ULK4: variants seen among roughly 807,000 people sequenced by gnomAD.
ULK4 encodes unc-51 like kinase 4, also known as inactive serine/threonine-protein kinase ULK4.
ULK4 carries 133 observed loss-of-function variants against 160.6 expected under a neutral mutation model. That is an observed-to-expected ratio of 0.83 (90% CI 0.72 to 0.96). The LOEUF is 0.96. Ranked by LOEUF, ULK4 falls within the 40% of genes least tolerant of loss-of-function variation. ULK4 has a pLI of 0.00. For synonymous variants in ULK4, 534 were observed against 539.8 expected (o/e 0.99, Z 0.15); for missense variants, 1,580 against 1,499.5 (o/e 1.05, Z -0.89).
Position 41,687,315 on chromosome 3 carries a change from G to A in ULK4, c.2782-5511C>T, listed in dbSNP as rs145836971. On this transcript the variant is annotated intron_variant, in intron 27 of 36. Coordinates refer to ENST00000301831, the MANE Select transcript of ULK4 (RefSeq NM_017886.4). ...TTGAACCCAGGAAGCAGAGGTTGCC[G>A]TGTGCCAAGATCACACCACTGCACT... Among the ~76,000 whole-genome samples, 543 of 151,900 alleles carry A rather than the reference G, an allele frequency of 3.6e-3. 1 individual carries two copies. Among genetic ancestry groups the A allele is most frequent in the Middle Eastern group, 0.024 (7 of 294 alleles).
In ULK4 at chr3:41,731,671, T is replaced by TG. The variant is rs1247936808; in HGVS notation, c.2322-13811dup. Among the ~76,000 whole-genome samples the TG allele has an allele frequency of 1.2e-4, 16 of 138,000 alleles. No individual in the cohort carries two copies. The East Asian group carries it at 1.4e-3, about 12-fold the overall frequency. The allele number at this position is 138,000 out of a possible 152,430, so 90.5% of individuals were successfully genotyped here. ...AAACCCCAAAGAGCCAAATCAATTT[T>TG]GGGGGAAAAAAAAAAAAAAAGAACA... On this transcript the variant is annotated intron_variant, in intron 22 of 36. Coordinates refer to ENST00000301831, the MANE Select transcript of ULK4 (RefSeq NM_017886.4).
intron 35 of ULK4, among the ~76,000 whole-genome samples, chr3:41,342,656 C>T (rs899312290): frequency 1.3e-5 from 2 of 152,180 alleles, no homozygotes; most frequent in Non-Finnish European, 2.9e-5. Context: ...GGACAGACTC[C>T]TCCCTAACTC....
chr3:41,301,308 T>C (rs556506046), intron 35 of ULK4, among the ~76,000 whole-genome samples: 3 of 152,190 alleles, frequency 2.0e-5, no homozygotes, highest in African/African-American at 7.2e-5. Flanking sequence ...TTAAAAGAAA[T>C]GCTATTCAAT....
At chr3:41,915,106 T>C (rs1698921614) in intron 8 of ULK4, among the ~76,000 whole-genome samples, 1 of 152,068 alleles carries the variant, frequency 6.6e-6, no homozygotes, top group Non-Finnish European at 1.5e-5. Context: ...CAGTTATAAA[T>C]GTAGGGATAT....
At chr3:41,369,528 C>A (rs1187287181) in intron 35 of ULK4, among the ~76,000 whole-genome samples, 4 of 150,726 alleles carry the variant, frequency 2.7e-5, no homozygotes, top group African/African-American at 9.8e-5. Flanking sequence ...CACGGTGGCT[C>A]ACGCCTGTCA....
chr3:41,780,642 T>C (rs990298118), intron 21 of ULK4, among the ~76,000 whole-genome samples: 2 of 152,158 alleles, frequency 1.3e-5, no homozygotes, highest in Non-Finnish European at 2.9e-5. Context: ...GGGAGCCACC[T>C]AGGCTTAGGA....
intron 31 of ULK4, among the ~76,000 whole-genome samples, chr3:41,569,209 G>A (rs1432845479): frequency 6.6e-6 from 1 of 152,020 alleles, no homozygotes; most frequent in Non-Finnish European, 1.5e-5. Context: ...TGTTATGTAG[G>A]CAAGACTGAT....
intron 32 of ULK4, among the ~76,000 whole-genome samples, chr3:41,481,083 G>A (rs185628953): frequency 1.8e-3 from 274 of 152,256 alleles, no homozygotes; most frequent in African/African-American, 6.1e-3. Context: ...ATAGTTTTAT[G>A]TTATCAGTAA....
At chr3:41,526,172 CTA>C (rs1166423087) in intron 32 of ULK4, among the ~76,000 whole-genome samples, 1 of 138,084 alleles carries the variant, frequency 7.2e-6, no homozygotes, top group African/African-American at 2.5e-5. Flanking sequence ...CTCTTACAGA[CTA>C]TGTATGATTC....
chr3:41,267,141 C>T (rs2079053269), intron 35 of ULK4, among the ~76,000 whole-genome samples: 3 of 151,610 alleles, frequency 2.0e-5, no homozygotes, highest in Admixed American at 2.0e-4. Flanking sequence ...GCTATTGACC[C>T]GTCTTCTAAG....
intron 32 of ULK4, among the ~76,000 whole-genome samples, chr3:41,491,621 C>T (rs1372032631): frequency 5.3e-5 from 8 of 151,964 alleles, no homozygotes; most frequent in East Asian, 3.8e-4. Flanking sequence ...ACTTATAACA[C>T]GGTACATTCC....
intron 35 of ULK4, among the ~76,000 whole-genome samples, chr3:41,391,085 A>T (rs2081947786): frequency 6.6e-6 from 1 of 152,006 alleles, no homozygotes; most frequent in Non-Finnish European, 1.5e-5. Context: ...ATTTCATTTA[A>T]CATATTTATC....
At chr3:41,793,188 CA>C (rs397762773) in intron 20 of ULK4, among the ~76,000 whole-genome samples, 3 of 145,136 alleles carry the variant, frequency 2.1e-5, no homozygotes, top group Non-Finnish European at 1.5e-5. Context: ...AAAAAACCAA[CA>C]AAAAAAAAAT....
chr3:41,807,319 T>G (rs1457063738), intron 19 of ULK4, among the ~76,000 whole-genome samples: 1 of 152,182 alleles, frequency 6.6e-6, no homozygotes, highest in African/African-American at 2.4e-5. Flanking sequence ...ATAATAGGTC[T>G]TGGATTGTAG....
intron 21 of ULK4, among the ~76,000 whole-genome samples, chr3:41,763,370 C>G (rs2039051764): frequency 6.6e-6 from 1 of 151,966 alleles, no homozygotes. Flanking sequence ...AAATCAAAAT[C>G]CTGGCTCTTT....
At chr3:41,700,768 T>G (rs1449399311) in intron 27 of ULK4, among the ~76,000 whole-genome samples, 1 of 152,144 alleles carries the variant, frequency 6.6e-6, no homozygotes, top group African/African-American at 2.4e-5. Flanking sequence ...TTTCATAGTC[T>G]TCTGATATTA....
intron 30 of ULK4, among the ~76,000 whole-genome samples, chr3:41,638,346 C>A (rs1350712601): frequency 6.6e-6 from 1 of 152,066 alleles, no homozygotes; most frequent in Non-Finnish European, 1.5e-5. Flanking sequence ...CTAATAAAAC[C>A]TGTCCCTAAA....
At position 41,638,436 on chromosome 3, in the gene ULK4, A is replaced by C. The variant is rs58059163; in HGVS notation, c.3072-22719T>G. On this transcript the variant is annotated intron_variant, in intron 30 of 36. Coordinates refer to ENST00000301831, the MANE Select transcript of ULK4 (RefSeq NM_017886.4). ...CAAGCAGAGAGAAGAAATGCACCCC[A>C]AAAAATGGTGTATTCTGAAGATACA... is the stretch of plus-strand genomic sequence containing the variant. 3.6e-3 allele frequency among the ~76,000 whole-genome samples: 545 copies of C among 152,318 alleles called. 4 individuals are homozygous for C. In the East Asian group the frequency reaches 0.041, roughly 11 times the overall value.
At chr3:41,919,001 C>T (rs1271384698) in intron 6 of ULK4, among the ~76,000 whole-genome samples, 2 of 152,070 alleles carry the variant, frequency 1.3e-5, no homozygotes, top group Non-Finnish European at 2.9e-5. Context: ...CTAGTATGTA[C>T]GAGGCACTGC....
Sources: allele counts gnomAD v4.1 joint callset (sites outside exome capture counted in the v4.1 genomes callset), GRCh38; gene constraint gnomAD v4.1.1; transcripts MANE v1.5; gene names NCBI Gene and HGNC (gene_info 2026-07-23, HGNC 2026-07-21).